Variants in BCL11A observed in about 807,000 individuals in gnomAD.
BCL11A encodes the protein BCL11 transcription factor A, also known as B cell CLL/lymphoma 11A.
A neutral mutation model predicts 55.9 loss-of-function variants in BCL11A; 2 were observed. The observed-to-expected ratio is 0.04, with a 90% CI of 0.01 to 0.11. The LOEUF is 0.11. BCL11A is among the 10% of genes least tolerant of loss of function. The probability of loss-of-function intolerance (pLI) is 1.00; values close to 1 mark genes in which losing one functional copy is unlikely to be tolerated. For missense variants in BCL11A, 817 were observed against 1,137.1 expected (o/e 0.72, Z 4.05); for synonymous variants, 465 against 473.4 (o/e 0.98, Z 0.23).
At chr2:60,465,688 T>A (rs1214989930) in intron 3 of BCL11A, among the ~76,000 whole-genome samples, 1 of 152,216 alleles carries the variant, frequency 6.6e-6, no homozygotes, top group Non-Finnish European at 1.5e-5. Flanking sequence ...GTCTTGGAAT[T>A]CCTATCTGTA....
Position 60,553,515 on chromosome 2 carries a change from G to GGGGAGA in BCL11A, c.-246_-245insTCTCCC, listed in dbSNP as rs1553354780. On this transcript the variant is annotated 5_prime_UTR_variant, in exon 1 of 4. Coordinates refer to ENST00000642384, the MANE Select transcript of BCL11A (RefSeq NM_022893.4). ...AAAAAAAAAAAAAAAAAAAAAAGAG[G>GGGGAGA]GAGAGAGAGAGAAGAGAGATAGAGG... 8.8e-6 allele frequency: 1 copy of GGGGAGA among 114,034 alleles called. No individual in the cohort carries two copies. The highest frequency in any genetic ancestry group is 5.4e-5 in the African/African-American group (1 of 18,620). The allele number at this position is 114,034 out of a possible 1,614,324, so 7.1% of individuals were successfully genotyped here.
chr2:60,553,501 A>AAAAAAG lies in BCL11A; in HGVS notation c.-232_-231insCTTTTT. 3.0e-6 allele frequency: 1 copy of AAAAAAG among 329,680 alleles called. No homozygotes were observed. The highest frequency in any genetic ancestry group is 1.0e-4 in the African/African-American group (1 of 9,982). The allele number at this position is 329,680 out of a possible 1,614,324, so 20.4% of individuals were successfully genotyped here. ...TTTAAGCAAAAAAAAAAAAAAAAAA[A>AAAAAAG]AAAAAAAAAAGAGGGAGAGAGAGAG... On this transcript the variant is annotated 5_prime_UTR_variant, in exon 1 of 4. Transcript: ENST00000642384.
intron 2 of BCL11A, chr2:60,521,940 C>T (rs1669015801): frequency 6.6e-6 from 1 of 152,296 alleles, no homozygotes; most frequent in Non-Finnish European, 1.5e-5. Flanking sequence ...CAGTACAGAC[C>T]CTTAAATGAC....
chr2:60,472,102 C>G (rs779302443), intron 2 of BCL11A, among the ~76,000 whole-genome samples: 11 of 152,190 alleles, frequency 7.2e-5, no homozygotes, highest in Non-Finnish European at 1.2e-4. Context: ...CTTAGGGAAT[C>G]CCTAAGGATC....
chr2:60,462,051 C>T lies in BCL11A; in HGVS notation c.861G>A (p.Met287Ile), dbSNP rs752586558. 1.9e-6 allele frequency: 3 copies of T among 1,602,538 alleles called. No homozygotes were observed. The highest frequency in any genetic ancestry group is 2.6e-6 in the Non-Finnish European group (3 of 1,174,432). ...HRIERLGAEE[M>I]ALATHHPSAF... ...CACTCGGGTGATGGGTGGCCAGGGC[C>T]ATCTCTTCCGCCCCCAGGCGCTCTA... Residue 287 changes from methionine to isoleucine, a missense_variant, in exon 4 of 4, where the codon ATG (methionine) becomes ATA (isoleucine). This residue lies in a region of BCL11A where 363 missense variants were observed against 486.6 expected (regional missense o/e 0.75). Transcript: ENST00000642384.
intron 2 of BCL11A, among the ~76,000 whole-genome samples, chr2:60,487,460 C>T (rs1678346912): frequency 6.6e-6 from 1 of 152,114 alleles, no homozygotes. Context: ...AGATTATCTT[C>T]CCTTGGGATC....
At position 60,460,219 on chromosome 2, in the gene BCL11A, A is replaced by G; in HGVS notation, c.*185T>C. The stretch of plus-strand genomic sequence containing the variant: ...AAAGAAAAAGAAAAAGAAAAAAAAC[A>G]GGTGTGCTGGTGACAAGCACTCTCA... On this transcript the variant is annotated 3_prime_UTR_variant, in exon 4 of 4. Coordinates refer to ENST00000642384, the MANE Select transcript of BCL11A (RefSeq NM_022893.4). 1 of 1,306,544 alleles carries G rather than the reference A, an allele frequency of 7.7e-7. No homozygotes were observed. Among genetic ancestry groups the G allele is most frequent in the East Asian group, 2.9e-5 (1 of 34,456 alleles). 80.9% of individuals were successfully genotyped at this position (1,306,544 alleles called of 1,614,324 possible). A position where few individuals can be genotyped will look rare whatever the true frequency, so the allele number is the denominator to read the frequency against.
At chr2:60,474,768 T>C (rs1473048930) in intron 2 of BCL11A, among the ~76,000 whole-genome samples, 3 of 152,238 alleles carry the variant, frequency 2.0e-5, no homozygotes, top group Admixed American at 1.3e-4. Context: ...TCAACAAATA[T>C]TTACCGAGTG....
chr2:60,528,523 A>G (rs966575387), intron 2 of BCL11A: 5 of 152,224 alleles, frequency 3.3e-5, no homozygotes, highest in Non-Finnish European at 7.3e-5. Flanking sequence ...TCTCTTTCCC[A>G]GAAGATTGAA....
At chr2:60,472,985 G>T (rs534896921) in intron 2 of BCL11A, among the ~76,000 whole-genome samples, 3 of 144,076 alleles carry the variant, frequency 2.1e-5, no homozygotes, top group African/African-American at 7.3e-5. Flanking sequence ...AAATGTACGT[G>T]TGTGTGTGTT....
At position 60,458,936 on chromosome 2, in the gene BCL11A, AGAAAT is replaced by A; in HGVS notation, c.*1463_*1467del. 1 of 1,034,356 alleles carries A rather than the reference AGAAAT, an allele frequency of 9.7e-7. No homozygotes were observed. The highest frequency in any genetic ancestry group is 1.7e-5 in the African/African-American group (1 of 59,476). 64.1% of individuals were successfully genotyped at this position (1,034,356 alleles called of 1,614,324 possible). On this transcript the variant is annotated 3_prime_UTR_variant, in exon 4 of 4. Transcript: ENST00000642384. The stretch of plus-strand genomic sequence containing the variant: ...ACAAATAGCACACAGTGTATGGAAA[AGAAAT>A]GAAGTACAACTTTTAGGGAGCACAG...
At chr2:60,483,688 G>A (rs1273279778) in intron 2 of BCL11A, among the ~76,000 whole-genome samples, 1 of 152,224 alleles carries the variant, frequency 6.6e-6, no homozygotes, top group East Asian at 1.9e-4. Context: ...GTGGATTACA[G>A]TAAGGAAAAT....
intron 2 of BCL11A, among the ~76,000 whole-genome samples, chr2:60,502,983 G>A (rs960558502): frequency 1.3e-5 from 2 of 152,206 alleles, no homozygotes; most frequent in African/African-American, 4.8e-5. Context: ...ACACCTCCTT[G>A]TCTTTTAAGG....
intron 2 of BCL11A, among the ~76,000 whole-genome samples, chr2:60,490,808 C>G (rs1189762947): frequency 6.6e-6 from 1 of 152,140 alleles, no homozygotes; most frequent in Admixed American, 6.5e-5. Flanking sequence ...CAACAAATAG[C>G]ATATAAATGA....
intron 2 of BCL11A, among the ~76,000 whole-genome samples, chr2:60,524,332 C>T (rs1363460087): frequency 6.6e-6 from 1 of 152,150 alleles, no homozygotes; most frequent in Non-Finnish European, 1.5e-5. Flanking sequence ...CTATCTCTGG[C>T]ATGAATGTTA....
rs114725095 is a variant in BCL11A at position 60,538,380 on chromosome 2, C to T, written c.385+7591G>A. The T allele has an allele frequency of 7.7e-3, 1,168 of 152,364 alleles. 9 individuals are homozygous for T. Among genetic ancestry groups the T allele is most frequent in the Non-Finnish European group, 0.013 (894 of 68,052 alleles). The allele number at this position is 152,364 out of a possible 1,614,324, so 9.4% of individuals were successfully genotyped here. A position where few individuals can be genotyped will look rare whatever the true frequency, so the allele number is the denominator to read the frequency against. On this transcript the variant is annotated intron_variant, in intron 2 of 3. Coordinates refer to ENST00000642384, the MANE Select transcript of BCL11A (RefSeq NM_022893.4). ...AGCAGCATTGCATCAGATCCACTCA[C>T]ATCAGTCTCCAGGGTGAACCAAGAG...
chr2:60,493,216 A>T (rs796569787), intron 2 of BCL11A, among the ~76,000 whole-genome samples: 2 of 152,246 alleles, frequency 1.3e-5, no homozygotes, highest in African/African-American at 4.8e-5. Flanking sequence ...TATCCATTCA[A>T]CCTATTGGTT....
chr2:60,510,633 T>C (rs930797599), intron 2 of BCL11A, among the ~76,000 whole-genome samples: 1 of 151,346 alleles, frequency 6.6e-6, no homozygotes, highest in Admixed American at 6.6e-5. Context: ...GAGCAGGGAG[T>C]TTTTAAGGCT....
chr2:60,457,887 G>C lies in BCL11A; in HGVS notation c.*2517C>G, dbSNP rs934892899. The C allele has an allele frequency of 2.9e-6, 3 of 1,048,240 alleles. No homozygotes were observed. The highest frequency in any genetic ancestry group is 3.5e-6 in the Non-Finnish European group (3 of 868,794). The allele number at this position is 1,048,240 out of a possible 1,614,324, so 64.9% of individuals were successfully genotyped here. On this transcript the variant is annotated 3_prime_UTR_variant, in exon 4 of 4. Coordinates refer to ENST00000642384, the MANE Select transcript of BCL11A (RefSeq NM_022893.4). ...TGACAGCCATCCATGTGACATTCTA[G>C]CAGGCTCCCCCAAACCGCCATTATA... is the stretch of plus-strand genomic sequence containing the variant.
Sources: gnomAD v4.1 joint callset for allele counts (sites outside exome capture counted in the v4.1 genomes callset) on GRCh38, gnomAD v4.1.1 for gene constraint, gnomAD v4.1.1 regional missense constraint, MANE v1.5 for transcripts, NCBI Gene and HGNC (gene_info 2026-07-23, HGNC 2026-07-21) for gene names.